ABCB1: variants seen among roughly 807,000 people sequenced by gnomAD.
ABCB1 encodes the protein ATP-dependent translocase ABCB1.
In ABCB1, 69 loss-of-function variants were observed where a neutral mutation model predicts 142.0. The ratio of observed to expected loss-of-function variants is 0.49; its 90% confidence interval spans 0.40 to 0.59. The LOEUF (loss-of-function observed/expected upper bound fraction) is 0.59, where lower values mean the gene tolerates loss of function less well. ABCB1 is among the 20% of genes least tolerant of loss of function. ABCB1 has a pLI of 0.00. For synonymous variants in ABCB1, 532 were observed against 539.2 expected (o/e 0.99, Z 0.18); for missense variants, 1,326 against 1,554.7 (o/e 0.85, Z 2.47).
chr7:87,588,614 G>A (rs1166205631), intron 3 of ABCB1, among the ~76,000 whole-genome samples: 1 of 152,148 alleles, frequency 6.6e-6, no homozygotes, highest in Non-Finnish European at 1.5e-5. Flanking sequence ...CCATGTCTTT[G>A]CTATTGTGAA....
At chr7:87,712,457 C>G (rs1412795405) in intron 1 of ABCB1, among the ~76,000 whole-genome samples, 2 of 151,970 alleles carry the variant, frequency 1.3e-5, no homozygotes, top group African/African-American at 4.8e-5. Flanking sequence ...TTAATTAAAT[C>G]AAAATCAAGT....
At chr7:87,643,503 G>C (rs1183643494) in intron 1 of ABCB1, among the ~76,000 whole-genome samples, 1 of 152,118 alleles carries the variant, frequency 6.6e-6, no homozygotes. Flanking sequence ...AAATACACAT[G>C]ATGTTTGAGA....
chr7:87,620,955 A>G (rs1820200788), intron 1 of ABCB1, among the ~76,000 whole-genome samples: 1 of 152,124 alleles, frequency 6.6e-6, no homozygotes, highest in East Asian at 1.9e-4. Context: ...AACCTTACTC[A>G]TAATACCAGT....
intron 1 of ABCB1, chr7:87,628,541 C>A (rs1236977561): frequency 3.4e-6 from 1 of 296,376 alleles, no homozygotes; most frequent in Non-Finnish European, 6.2e-6. Flanking sequence ...AGGCGCAGCC[C>A]GGCAGTCGGC....
intron 21 of ABCB1, among the ~76,000 whole-genome samples, chr7:87,529,154 G>T (rs1321153113): frequency 6.6e-6 from 1 of 152,212 alleles, no homozygotes; most frequent in African/African-American, 2.4e-5. Flanking sequence ...AATGGAAGAA[G>T]TTGAAGCAGG....
At chr7:87,615,103 A>G (rs1819991669) in intron 1 of ABCB1, among the ~76,000 whole-genome samples, 1 of 152,006 alleles carries the variant, frequency 6.6e-6, no homozygotes, top group Non-Finnish European at 1.5e-5. Context: ...TCCCAAAGTG[A>G]TGGAATTACA....
At chr7:87,510,242 C>T (rs1225881343) in intron 25 of ABCB1, among the ~76,000 whole-genome samples, 3 of 152,204 alleles carry the variant, frequency 2.0e-5, no homozygotes, top group Non-Finnish European at 2.9e-5. Flanking sequence ...AGAAACAGTG[C>T]CCAGGATTAG....
intron 7 of ABCB1, among the ~76,000 whole-genome samples, chr7:87,561,691 A>G (rs1386146342): frequency 6.6e-6 from 1 of 152,196 alleles, no homozygotes; most frequent in Non-Finnish European, 1.5e-5. Flanking sequence ...CTAAATAAAG[A>G]TTACACATGA....
chr7:87,603,051 C>G (rs1819518352), upstream of ABCB1: 1 of 152,186 alleles, frequency 6.6e-6, no homozygotes, highest in South Asian at 2.1e-4. Flanking sequence ...CCTTCTTGTC[C>G]TCCGCTCTCA....
intron 3 of ABCB1, among the ~76,000 whole-genome samples, chr7:87,585,995 G>A (rs1244376497): frequency 6.6e-6 from 1 of 152,154 alleles, no homozygotes; most frequent in Non-Finnish European, 1.5e-5. Context: ...TATGGTATTT[G>A]TTGCTCTAGT....
intron 1 of ABCB1, among the ~76,000 whole-genome samples, chr7:87,693,593 C>T (rs752922665): frequency 2.6e-5 from 4 of 152,136 alleles, no homozygotes; most frequent in Non-Finnish European, 5.9e-5. Context: ...CTATTCTACT[C>T]ATCAGTTTAT....
At chr7:87,556,833 C>T (rs570997763) in intron 8 of ABCB1, among the ~76,000 whole-genome samples, 2 of 152,264 alleles carry the variant, frequency 1.3e-5, no homozygotes, top group South Asian at 4.1e-4. Flanking sequence ...TCATCATGGC[C>T]CATCATCCCC....
intron 1 of ABCB1, among the ~76,000 whole-genome samples, chr7:87,659,625 G>A (rs1280207726): frequency 6.6e-6 from 1 of 152,082 alleles, no homozygotes. Flanking sequence ...AAGCAAGTTT[G>A]TTGTTCCTGT....
At chr7:87,519,114 T>A (rs1815374367) in intron 23 of ABCB1, among the ~76,000 whole-genome samples, 1 of 152,188 alleles carries the variant, frequency 6.6e-6, no homozygotes, top group African/African-American at 2.4e-5. Context: ...CAACTATGTG[T>A]GAGCCAGCAA....
At chr7:87,658,777 T>C (rs1290408919) in intron 1 of ABCB1, among the ~76,000 whole-genome samples, 2 of 152,164 alleles carry the variant, frequency 1.3e-5, no homozygotes, top group Non-Finnish European at 2.9e-5. Context: ...TCTTCAGCAA[T>C]GAAGGAAACA....
chr7:87,705,735 T>A (rs1829525055), intron 1 of ABCB1, among the ~76,000 whole-genome samples: 1 of 152,204 alleles, frequency 6.6e-6, no homozygotes, highest in Admixed American at 6.5e-5. Context: ...CATTCTTTTC[T>A]GAACTCACCC....
chr7:87,589,910 G>A (rs908515252), intron 3 of ABCB1, among the ~76,000 whole-genome samples: 2 of 151,918 alleles, frequency 1.3e-5, no homozygotes, highest in Non-Finnish European at 2.9e-5. Flanking sequence ...AGGAAAGAGA[G>A]AGAAGGTGAA....
intron 4 of ABCB1, among the ~76,000 whole-genome samples, chr7:87,573,163 T>G (rs373859601): frequency 1.3e-5 from 2 of 152,224 alleles, no homozygotes; most frequent in East Asian, 1.9e-4. Flanking sequence ...GGCAAAGGCA[T>G]GTCTTACATG....
chr7:87,625,235 C>T (rs1820368194), intron 1 of ABCB1, among the ~76,000 whole-genome samples: 1 of 150,986 alleles, frequency 6.6e-6, no homozygotes, highest in Non-Finnish European at 1.5e-5. Flanking sequence ...CCAGCCTGTG[C>T]GACTGAGCGA....
Sources: gnomAD v4.1 joint callset for allele counts (sites outside exome capture counted in the v4.1 genomes callset) on GRCh38, gnomAD v4.1.1 for gene constraint, MANE v1.5 for transcripts, NCBI Gene and HGNC (gene_info 2026-07-23, HGNC 2026-07-21) for gene names.